The following RAB3GAP2 variants were observed in gnomAD, a reference collection of about 807,000 sequenced individuals.
RAB3GAP2 encodes rab3 GTPase-activating protein non-catalytic subunit.
In RAB3GAP2, 87 loss-of-function variants were observed where a neutral mutation model predicts 185.3. That is an observed-to-expected ratio of 0.47 (90% CI 0.39 to 0.56). The LOEUF (loss-of-function observed/expected upper bound fraction) is 0.56, where lower values mean the gene tolerates loss of function less well. Among genes scored for constraint, RAB3GAP2 ranks in the 20% least tolerant of loss-of-function variants. RAB3GAP2 has a pLI of 0.00. For synonymous variants in RAB3GAP2, 554 were observed against 576.1 expected (o/e 0.96, Z 0.55); for missense variants, 1,492 against 1,638.2 (o/e 0.91, Z 1.54).
At chr1:220,214,946 T>TTATATGTATATATATATATATATA (rs1553279016) in intron 2 of RAB3GAP2, among the ~76,000 whole-genome samples, 1 of 89,620 alleles carries the variant, frequency 1.1e-5, no homozygotes, top group African/African-American at 4.8e-5. Context: ...AATAGTAGCA[T>TTATATGTATATATATATATATATA]TATATATATA....
intron 24 of RAB3GAP2, among the ~76,000 whole-genome samples, chr1:220,169,475 G>C (rs988680447): frequency 6.6e-6 from 1 of 152,208 alleles, no homozygotes; most frequent in Non-Finnish European, 1.5e-5. Context: ...TCCTGGAGGA[G>C]AAGCATTTGA....
intron 30 of RAB3GAP2, 32 bp from the exon 31 acceptor site, chr1:220,157,520 A>C (rs149446462): frequency 3.1e-6 from 5 of 1,596,850 alleles, no homozygotes; most frequent in Non-Finnish European, 1.7e-6. Context: ...GACTGTGTTC[A>C]GTAATGGAAA....
rs1278018830 is a variant in RAB3GAP2 at position 220,148,341 on chromosome 1, A to G, written c.*2910T>C. On this transcript the variant is annotated 3_prime_UTR_variant, in exon 35 of 35. Coordinates refer to ENST00000358951, the MANE Select transcript of RAB3GAP2 (RefSeq NM_012414.4). The stretch of plus-strand genomic sequence containing the variant: ...TAATATACATAAGAAGTTCACAACA[A>G]TGAACAGACAGAAAATAGCAGTATA... 1 of 152,550 alleles carries G rather than the reference A, an allele frequency of 6.6e-6. No homozygotes were observed. Among genetic ancestry groups the G allele is most frequent in the African/African-American group, 2.4e-5 (1 of 41,490 alleles). 9.4% of individuals were successfully genotyped at this position (152,550 alleles called of 1,614,324 possible).
chr1:220,223,083 C>G (rs1659337513), intron 2 of RAB3GAP2, among the ~76,000 whole-genome samples: 1 of 152,184 alleles, frequency 6.6e-6, no homozygotes, highest in Non-Finnish European at 1.5e-5. Context: ...CGCTCTGACG[C>G]CCAGGCTGGA....
chr1:220,253,945 A>T, intron 1 of RAB3GAP2: 2 of 1,613,682 alleles, frequency 1.2e-6, no homozygotes, highest in Non-Finnish European at 1.7e-6. Flanking sequence ...TGGTGGCAGT[A>T]CCAGTGAGAC....
At chr1:220,270,882 C>CT (rs1258117665) in intron 1 of RAB3GAP2, among the ~76,000 whole-genome samples, 1 of 152,202 alleles carries the variant, frequency 6.6e-6, no homozygotes, top group Non-Finnish European at 1.5e-5. Context: ...GGTCTAGCTC[C>CT]TTATTACTAC....
chr1:220,213,793 A>AT (rs1400571132), intron 3 of RAB3GAP2, 63 bp downstream of exon 3: 1 of 1,536,844 alleles, frequency 6.5e-7, no homozygotes, highest in African/African-American at 1.4e-5. Flanking sequence ...TTTTCACCTA[A>AT]TCCATTTTCT....
intron 28 of RAB3GAP2, among the ~76,000 whole-genome samples, chr1:220,159,789 G>C (rs1054023464): frequency 1.3e-5 from 2 of 152,014 alleles, no homozygotes; most frequent in African/African-American, 4.8e-5. Flanking sequence ...GGCCAAGGTG[G>C]GCCGACCACT....
At chr1:220,197,539 C>T (rs1157361926) in intron 9 of RAB3GAP2, among the ~76,000 whole-genome samples, 1 of 152,070 alleles carries the variant, frequency 6.6e-6, no homozygotes. Flanking sequence ...GATCAGAACA[C>T]CTATCTCATA....
At chr1:220,266,928 C>CT in intron 1 of RAB3GAP2, 3 of 1,592,662 alleles carry the variant, frequency 1.9e-6, no homozygotes, top group Admixed American at 3.3e-5. Context: ...ATGTATTTGC[C>CT]TCAAAAGGAG....
intron 21 of RAB3GAP2, among the ~76,000 whole-genome samples, chr1:220,175,578 C>A (rs1658273416): frequency 6.6e-6 from 1 of 152,176 alleles, no homozygotes; most frequent in Non-Finnish European, 1.5e-5. Flanking sequence ...GGTTCATTTC[C>A]CCATCAACAA....
At chr1:220,244,733 G>A (rs1419983539) in intron 1 of RAB3GAP2, among the ~76,000 whole-genome samples, 1 of 152,090 alleles carries the variant, frequency 6.6e-6, no homozygotes, top group Admixed American at 6.5e-5. Context: ...ACAGAATAAA[G>A]AACCCAGAAG....
At chr1:220,269,911 T>C (rs1043751854) in intron 1 of RAB3GAP2, among the ~76,000 whole-genome samples, 2 of 151,806 alleles carry the variant, frequency 1.3e-5, no homozygotes, top group African/African-American at 4.8e-5. Flanking sequence ...ATAAAGAAAA[T>C]CTGTTCCTTT....
rs747553998 is a variant in RAB3GAP2, at chr1:220,272,330, C to A, written c.8G>T (p.Cys3Phe). The change falls in exon 1 of 35, where the codon TGC becomes TTC. Residue 3 changes from cysteine (C) to phenylalanine (F), a missense_variant. Physicochemically the swap from Cys to Phe is radical, Grantham distance 205. Transcript: ENST00000358951. ...GAAGTAGCAGAACTGGACAATGGAGCAGGCCATGGCTCCAGGGAACCCCAC... is the reference window on the plus strand; with the variant it reads ...GAAGTAGCAGAACTGGACAATGGAGAAGGCCATGGCTCCAGGGAACCCCAC... MA[C>F]SIVQFCYFQD... 6.2e-7 allele frequency: 1 copy of A among 1,609,862 alleles called. No individual in the cohort carries two copies. Among genetic ancestry groups the A allele is most frequent in the South Asian group, 1.1e-5 (1 of 89,822 alleles).
At chr1:220,209,739 T>C (rs1281600488) in intron 7 of RAB3GAP2, among the ~76,000 whole-genome samples, 1 of 152,168 alleles carries the variant, frequency 6.6e-6, no homozygotes, top group African/African-American at 2.4e-5. Context: ...GGAGGCCAAG[T>C]AGTACAACAA....
At chr1:220,169,951 T>C (rs1286162897) in intron 24 of RAB3GAP2, among the ~76,000 whole-genome samples, 2 of 152,248 alleles carry the variant, frequency 1.3e-5, no homozygotes, top group African/African-American at 2.4e-5. Flanking sequence ...ATCATTCTTC[T>C]ATAAAGACAC....
chr1:220,167,777 T>C, intron 24 of RAB3GAP2, 102 bp from the exon 25 acceptor site: 1 of 1,239,316 alleles, frequency 8.1e-7, no homozygotes, highest in East Asian at 2.3e-5. Flanking sequence ...AGTGCCACAT[T>C]CATTTCTCAG....
chr1:220,186,388 A>G (rs1181207193), intron 17 of RAB3GAP2, among the ~76,000 whole-genome samples: 1 of 152,226 alleles, frequency 6.6e-6, no homozygotes. Context: ...TTCAAAAAGT[A>G]GGCTGAGAAT....
intron 9 of RAB3GAP2, among the ~76,000 whole-genome samples, chr1:220,196,662 C>T (rs913827711): frequency 1.3e-5 from 2 of 151,724 alleles, no homozygotes; most frequent in Non-Finnish European, 2.9e-5. Context: ...GAAACCCCGC[C>T]TCTACTAAAT....
Sources: gnomAD v4.1 joint callset for allele counts (sites outside exome capture counted in the v4.1 genomes callset) on GRCh38, gnomAD v4.1.1 for gene constraint, MANE v1.5 for transcripts, NCBI Gene and HGNC (gene_info 2026-07-23, HGNC 2026-07-21) for gene names.